Variants in NAIF1 observed in about 807,000 individuals in gnomAD.
NAIF1 encodes nuclear apoptosis-inducing factor 1.
A neutral mutation model predicts 20.7 loss-of-function variants in NAIF1; 14 were observed. The observed-to-expected ratio is 0.67, with a 90% CI of 0.45 to 1.05. NAIF1 has a LOEUF of 1.05. Among genes scored for constraint, NAIF1 ranks in the 50% least tolerant of loss-of-function variants. The probability of loss-of-function intolerance (pLI) is 0.00; values close to 1 mark genes in which losing one functional copy is unlikely to be tolerated. For synonymous variants in NAIF1, 191 were observed against 191.4 expected, an observed-to-expected ratio of 1.00 and a Z score of 0.02; for missense variants, 362 against 448.8, an observed-to-expected ratio of 0.81 and a Z score of 1.75.
At chr9:128,065,908 C>T (rs144585835) in intron 1 of NAIF1, among the ~76,000 whole-genome samples, 1 of 152,282 alleles carries the variant, frequency 6.6e-6, no homozygotes, top group Non-Finnish European at 1.5e-5. Flanking sequence ...TGTCCTTATG[C>T]CACCAAGAAG....
chr9:128,064,716 C>T (rs1385366650), intron 1 of NAIF1, among the ~76,000 whole-genome samples: 2 of 151,942 alleles, frequency 1.3e-5, no homozygotes, highest in African/African-American at 4.8e-5. Flanking sequence ...AAGAAAGGCA[C>T]CCCCGGCCGG....
rs1564173527 is a variant in NAIF1 at position 128,067,258 on chromosome 9, G to A, written c.-157C>T. On this transcript the variant is annotated 5_prime_UTR_variant, in exon 1 of 2. Coordinates refer to ENST00000373078, the MANE Select transcript of NAIF1 (RefSeq NM_197956.4). Reference sequence around the variant, plus strand: ...CACTAGGCCTTTGGTAACCCCCCTCGCTACGCAAAGTGCGTAGGGCCCAGC... The same window carrying A: ...CACTAGGCCTTTGGTAACCCCCCTCACTACGCAAAGTGCGTAGGGCCCAGC... 4.5e-6 allele frequency: 4 copies of A among 895,250 alleles called. No homozygotes were observed. The highest frequency in any genetic ancestry group is 6.6e-6 in the Non-Finnish European group (4 of 610,408). The allele number at this position is 895,250 out of a possible 1,614,324, so 55.5% of individuals were successfully genotyped here.
chr9:128,067,081 T>C lies in NAIF1; in HGVS notation c.21A>G (p.Lys7=). The C allele has an allele frequency of 6.2e-6, 10 of 1,602,292 alleles. No individual in the cohort carries two copies. In the South Asian group the frequency reaches 1.1e-4, roughly 18 times the overall value. The stretch of plus-strand genomic sequence containing the variant: ...CCCGCTCTGAGAAGTTCATCTTCCT[T>C]TTCTTGGCTGGGACGGCCATGGCCT... MAVPAK[K]RKMNFSEREV... is the part of the protein sequence containing the mutation. The change falls in exon 1 of 2, where the codon AAA becomes AAG. Residue 7 remains lysine (K), a synonymous_variant. Coordinates refer to ENST00000373078, the MANE Select transcript of NAIF1 (RefSeq NM_197956.4).
In NAIF1 at chr9:128,061,880, GA is replaced by G. The variant is rs1324518038; in HGVS notation, c.*1547del. Reference sequence around the variant, plus strand: ...GGGTAAAATCCTTACAGACATCTCAGAAGAGAAAGTGTAAAGATGGAACAGG... The same window carrying G: ...GGGTAAAATCCTTACAGACATCTCAGAGAGAAAGTGTAAAGATGGAACAGG... On this transcript the variant is annotated 3_prime_UTR_variant, in exon 2 of 2. Transcript: ENST00000373078. 2.0e-5 allele frequency: 3 copies of G among 152,222 alleles called. No homozygotes were observed. The highest frequency in any genetic ancestry group is 7.2e-5 in the African/African-American group (3 of 41,438). 9.4% of individuals were successfully genotyped at this position (152,222 alleles called of 1,614,324 possible).
chr9:128,066,615 C>T lies in NAIF1; in HGVS notation c.487G>A (p.Ala163Thr). 1 of 1,525,446 alleles carries T rather than the reference C, an allele frequency of 6.6e-7. No homozygotes were observed. The highest frequency in any genetic ancestry group is 8.8e-7 in the Non-Finnish European group (1 of 1,134,848). 94.5% of individuals were successfully genotyped at this position (1,525,446 alleles called of 1,614,324 possible). A position where few individuals can be genotyped will look rare whatever the true frequency, so the allele number is the denominator to read the frequency against. ...VALGPSATAAAATVTLTQIPT... is the reference protein window; with the variant it reads ...VALGPSATAATATVTLTQIPT... ...CTCTGTGTCAGGGTGACCGTGGCTG[C>T]GGCTGCGGTGGCCGAGGGTCCGAGG... is the stretch of plus-strand genomic sequence containing the variant. The change falls in exon 1 of 2, where the codon GCA becomes ACA. Residue 163 changes from alanine (A) to threonine (T), a missense_variant. By Grantham distance (58) the Ala-to-Thr change is moderately conservative. This residue lies in a region of NAIF1 where 300 missense variants were observed against 342.7 expected (regional missense o/e 0.88). Transcript: ENST00000373078.
Position 128,063,800 on chromosome 9 carries a change from C to G in NAIF1, c.612G>C (p.Met204Ile), listed in dbSNP as rs757210006. ...CCGACGTGTCTGCATGCTGGGCCATCATGTCCACAGGGGTCTCTGGTGGCA... is the reference window on the plus strand; with the variant it reads ...CCGACGTGTCTGCATGCTGGGCCATGATGTCCACAGGGGTCTCTGGTGGCA... ...PPLPPETPVD[M>I]MAQHADTSVK... Residue 204 changes from methionine to isoleucine, a missense_variant, in exon 2 of 2, where the codon ATG (methionine) becomes ATC (isoleucine). Transcript: ENST00000373078. This position sits in a 1 kb window ranked among gnomAD's most constrained non-coding sequence, Gnocchi z 4.3. 4.3e-6 allele frequency: 7 copies of G among 1,613,846 alleles called. No individual in the cohort carries two copies. In the East Asian group the frequency reaches 6.7e-5, roughly 15 times the overall value.
Position 128,063,562 on chromosome 9 carries a change from C to A in NAIF1, c.850G>T (p.Val284Phe). 1 of 1,611,756 alleles carries A rather than the reference C, an allele frequency of 6.2e-7. No homozygotes were observed. The highest frequency in any genetic ancestry group is 8.5e-7 in the Non-Finnish European group (1 of 1,180,034). The change falls in exon 2 of 2, where the codon GTC becomes TTC. Residue 284 changes from valine to phenylalanine, a missense_variant. Physicochemically the swap from Val to Phe is conservative, Grantham distance 50. This residue lies in a region of NAIF1 where 300 missense variants were observed against 342.7 expected (regional missense o/e 0.88). Coordinates refer to ENST00000373078, the MANE Select transcript of NAIF1 (RefSeq NM_197956.4). This position sits in a 1 kb window ranked among gnomAD's most constrained non-coding sequence, Gnocchi z 4.3. ...AMEGTQAALS[V>F]LIQVLRPMIK... ...ATAGGCCGGAGGACCTGGATGAGGA[C>A]GCTCAGGGCAGCCTGTGTGCCCTCC...
rs1832799520 is a variant in NAIF1 at position 128,067,302 on chromosome 9, TGCCA to T, written c.-205_-202del. The T allele has an allele frequency of 1.8e-6, 1 of 544,536 alleles. No homozygotes were observed. The highest frequency in any genetic ancestry group is 4.8e-4 in the Middle Eastern group (1 of 2,084). The allele number at this position is 544,536 out of a possible 1,614,324, so 33.7% of individuals were successfully genotyped here. A position where few individuals can be genotyped will look rare whatever the true frequency, so the allele number is the denominator to read the frequency against. ...GCCCAGCCCCGACCGGCCCGGCCGC[TGCCA>T]GCCAGCAGCGTAATGGCTTCCTGAA... On this transcript the variant is annotated 5_prime_UTR_variant, in exon 1 of 2. Transcript: ENST00000373078.
chr9:128,065,636 G>A (rs1383505864), intron 1 of NAIF1, among the ~76,000 whole-genome samples: 5 of 133,998 alleles, frequency 3.7e-5, no homozygotes, highest in Non-Finnish European at 1.5e-5. Context: ...TGAGAAATAC[G>A]CATTGTGAGG....
In NAIF1 at chr9:128,062,685, T is replaced by A. The variant is rs1832733375; in HGVS notation, c.*743A>T. 6.6e-6 allele frequency: 1 copy of A among 152,230 alleles called. No homozygotes were observed. The highest frequency in any genetic ancestry group is 1.5e-5 in the Non-Finnish European group (1 of 68,078). The allele number at this position is 152,230 out of a possible 1,614,324, so 9.4% of individuals were successfully genotyped here. On this transcript the variant is annotated 3_prime_UTR_variant, in exon 2 of 2. Coordinates refer to ENST00000373078, the MANE Select transcript of NAIF1 (RefSeq NM_197956.4). ...TCAAAAATTTACAGCATCCAAAGCT[T>A]GACCTGAGTCAAAAGCTCTAGGGAC... is the stretch of plus-strand genomic sequence containing the variant.
Position 128,066,741 on chromosome 9 carries a change from C to A in NAIF1, c.361G>T (p.Ala121Ser). ...GGSGGGGPAV[A>S]PVLLTPMQQR... ...TGCATGGGGGTCAGCAGCACTGGGGCTACAGCTGGGCCACCGCCACCACTG... is the reference window on the plus strand; with the variant it reads ...TGCATGGGGGTCAGCAGCACTGGGGATACAGCTGGGCCACCGCCACCACTG... Residue 121 changes from alanine to serine, a missense_variant, in exon 1 of 2, where the codon GCC (alanine) becomes TCC (serine). Physicochemically the swap from Ala to Ser is moderately conservative, Grantham distance 99. Around this residue, in one of 3 missense-constraint regions of NAIF1, gnomAD observed 300 missense variants for 342.7 expected, o/e 0.88. Coordinates refer to ENST00000373078, the MANE Select transcript of NAIF1 (RefSeq NM_197956.4). 6.2e-7 allele frequency: 1 copy of A among 1,611,152 alleles called. No individual in the cohort carries two copies. The highest frequency in any genetic ancestry group is 8.5e-7 in the Non-Finnish European group (1 of 1,178,730).
In NAIF1 at chr9:128,066,927, C is replaced by T; in HGVS notation, c.175G>A (p.Ala59Thr). 2 of 1,612,566 alleles carry T rather than the reference C, an allele frequency of 1.2e-6. No individual in the cohort carries two copies. Among genetic ancestry groups the T allele is most frequent in the Non-Finnish European group, 1.7e-6 (2 of 1,179,972 alleles). ...TCAGGCAGCTCTCTGCGGCAGGTGG[C>T]CACGGCGTTGACCCTTCTCAGGATG... ...HGILRRVNAV[A>T]TCRRELPEVK... The change falls in exon 1 of 2, where the codon GCC becomes ACC. Residue 59 changes from alanine (A) to threonine (T), a missense_variant. This residue lies in a region of NAIF1 where 11 missense variants were observed against 37.4 expected (regional missense o/e 0.29). Coordinates refer to ENST00000373078, the MANE Select transcript of NAIF1 (RefSeq NM_197956.4).
rs771306797 is a variant in NAIF1, at chr9:128,066,619, T to C, written c.483A>G (p.Ala161=). ...GTGTCAGGGTGACCGTGGCTGCGGC[T>C]GCGGTGGCCGAGGGTCCGAGGGCCA... ...HPVALGPSAT[A]AAATVTLTQI... Residue 161 remains alanine, a synonymous_variant, in exon 1 of 2, where the codon GCA becomes GCG. Coordinates refer to ENST00000373078, the MANE Select transcript of NAIF1 (RefSeq NM_197956.4). The C allele has an allele frequency of 2.6e-5, 40 of 1,527,332 alleles. No homozygotes were observed. The highest frequency in any genetic ancestry group is 3.4e-5 in the Non-Finnish European group (39 of 1,135,584). The allele number at this position is 1,527,332 out of a possible 1,614,324, so 94.6% of individuals were successfully genotyped here.
At position 128,066,918 on chromosome 9, in the gene NAIF1, G is replaced by C. The variant is rs1832789916; in HGVS notation, c.184C>G (p.Arg62Gly). ...TTCTTGACCTCAGGCAGCTCTCTGC[G>C]GCAGGTGGCCACGGCGTTGACCCTT... Reference protein sequence around the residue: ...LRRVNAVATCRRELPEVKKKW... With the variant: ...LRRVNAVATCGRELPEVKKKW... The change falls in exon 1 of 2, where the codon CGC becomes GGC. Residue 62 changes from arginine (R) to glycine (G), a missense_variant. Around this residue, in one of 3 missense-constraint regions of NAIF1, gnomAD observed 11 missense variants for 37.4 expected, o/e 0.29. Transcript: ENST00000373078. 6.2e-7 allele frequency: 1 copy of C among 1,612,792 alleles called. No homozygotes were observed. Among genetic ancestry groups the C allele is most frequent in the Non-Finnish European group, 8.5e-7 (1 of 1,180,014 alleles).
chr9:128,064,046 C>A, intron 1 of NAIF1, 146 bp from the exon 2 acceptor site: 3 of 534,138 alleles, frequency 5.6e-6, no homozygotes, highest in East Asian at 3.3e-5. Context: ...CATAGCTATT[C>A]ACATATAAAT....
In NAIF1 at chr9:128,063,901, C is replaced by G. The variant is rs577407676; in HGVS notation, c.512-1G>C. 1.9e-6 allele frequency: 3 copies of G among 1,602,080 alleles called. No homozygotes were observed. The South Asian group carries it at 3.3e-5, about 18-fold the overall frequency. ...GTGTGATAGGTGGTCTCTGTGGGGA[C>G]TGCACAGTAGAAAGAACAGAGGCCA... On this transcript the variant is annotated splice_acceptor_variant, in intron 1 of 1. Coordinates refer to ENST00000373078, the MANE Select transcript of NAIF1 (RefSeq NM_197956.4). LOFTEE classifies it high-confidence loss of function. This position sits in a 1 kb window ranked among gnomAD's most constrained non-coding sequence, Gnocchi z 4.3.
At chr9:128,064,121 T>TTCTG (rs1408870990) in intron 1 of NAIF1, among the ~76,000 whole-genome samples, 110 of 145,784 alleles carry the variant, frequency 7.5e-4, no homozygotes, top group African/African-American at 2.5e-3. Context: ...CGGAGTCTCG[T>TTCTG]TCTGTCGCCC....
intron 1 of NAIF1, among the ~76,000 whole-genome samples, chr9:128,064,547 G>A (rs1019255428): frequency 7.2e-5 from 11 of 152,286 alleles, no homozygotes; most frequent in South Asian, 2.1e-4. Flanking sequence ...GGTTGGTGCT[G>A]TCATCTTCAT....
chr9:128,065,673 TC>T (rs1203233882), intron 1 of NAIF1, among the ~76,000 whole-genome samples: 2 of 130,714 alleles, frequency 1.5e-5, no homozygotes, highest in Non-Finnish European at 3.1e-5. Context: ...TCCACCCAAC[TC>T]CCCCAACCCC....
Sources: gnomAD v4.1 joint callset for allele counts (sites outside exome capture counted in the v4.1 genomes callset) on GRCh38, gnomAD v4.1.1 for gene constraint, gnomAD v4.1.1 regional missense constraint, Gnocchi (gnomAD v3.1) non-coding constraint, MANE v1.5 for transcripts, NCBI Gene and HGNC (gene_info 2026-07-23, HGNC 2026-07-21) for gene names.